MAP3K3: variants seen among roughly 807,000 people sequenced by gnomAD.
The protein encoded by MAP3K3 is MAP/ERK kinase kinase 3.
A neutral mutation model predicts 80.9 loss-of-function variants in MAP3K3; 12 were observed. The ratio of observed to expected loss-of-function variants is 0.15; its 90% CI spans 0.10 to 0.24. The LOEUF (loss-of-function observed/expected upper bound fraction) is 0.24. Ranked by LOEUF, MAP3K3 falls within the 10% of genes least tolerant of loss-of-function variation. The pLI, the probability that MAP3K3 is intolerant of heterozygous loss-of-function variation, is 1.00. For synonymous variants in MAP3K3, 272 were observed against 307.1 expected (o/e 0.89, Z 1.19); for missense variants, 596 against 834.7 (o/e 0.71, Z 3.52).
At chr17:63,658,734 CTT>C (rs55818509) in intron 5 of MAP3K3, among the ~76,000 whole-genome samples, 24 of 138,104 alleles carry the variant, frequency 1.7e-4, no homozygotes, top group Admixed American at 2.9e-4. Context: ...CATTTCTTTT[CTT>C]TTTTTTTTTT....
intron 5 of MAP3K3, among the ~76,000 whole-genome samples, chr17:63,664,179 G>A (rs1450594203): frequency 3.1e-4 from 44 of 142,810 alleles, no homozygotes; most frequent in African/African-American, 7.4e-4. Context: ...CCCGGGAGGC[G>A]GAGCTTGCAG....
At chr17:63,654,029 G>A (rs1178227954) in intron 4 of MAP3K3, among the ~76,000 whole-genome samples, 1 of 152,068 alleles carries the variant, frequency 6.6e-6, no homozygotes, top group Non-Finnish European at 1.5e-5. Flanking sequence ...ATCACACCCA[G>A]CTAATTTTTT....
chr17:63,669,307 A>G (rs975078659), intron 6 of MAP3K3, among the ~76,000 whole-genome samples: 4 of 151,910 alleles, frequency 2.6e-5, no homozygotes, highest in African/African-American at 9.7e-5. Flanking sequence ...CTTCAGGTCC[A>G]GGCTGGCTGA....
At chr17:63,651,888 A>G (rs1328755587) in intron 3 of MAP3K3, among the ~76,000 whole-genome samples, 1 of 152,152 alleles carries the variant, frequency 6.6e-6, no homozygotes, top group East Asian at 1.9e-4. Context: ...CAGTATGGAG[A>G]TTCTTATGGC....
intron 6 of MAP3K3, among the ~76,000 whole-genome samples, chr17:63,672,374 A>G (rs2035129215): frequency 6.6e-6 from 1 of 152,076 alleles, no homozygotes; most frequent in African/African-American, 2.4e-5. Flanking sequence ...AGATGAATAA[A>G]TGGCATCGCC....
At chr17:63,629,293 T>G (rs1052768947) in intron 1 of MAP3K3, among the ~76,000 whole-genome samples, 1 of 152,144 alleles carries the variant, frequency 6.6e-6, no homozygotes, top group Non-Finnish European at 1.5e-5. Flanking sequence ...CAGTTAATTT[T>G]TTTGTATTTT....
rs374633546 is a variant in MAP3K3, at chr17:63,691,137, A to G, written c.1248A>G (p.Leu416=). The G allele has an allele frequency of 1.3e-5, 21 of 1,614,058 alleles. No individual in the cohort carries two copies. In the African/African-American group the frequency reaches 2.8e-4, roughly 22 times the overall value. The change falls in exon 13 of 16, where the codon CTA becomes CTG. Residue 416 remains leucine (L), a synonymous_variant. Transcript: ENST00000361733. This position sits in a 1 kb window ranked among gnomAD's most constrained non-coding sequence, Gnocchi z 4.8. ...CTCTGGAGTGCGAGATCCAGTTGCT[A>G]AAGAACTTGCAGCATGAGCGCATCG... ...VSALECEIQL[L]KNLQHERIVQ...
In MAP3K3 at chr17:63,654,334, G is replaced by A. The variant is rs79108779; in HGVS notation, c.267+1678G>A. Among the ~76,000 whole-genome samples the A allele has an allele frequency of 8.0e-3, 789 of 98,054 alleles. 39 individuals carry two copies. The highest frequency in any genetic ancestry group is 0.032 in the African/African-American group (722 of 22,506). The allele number at this position is 98,054 out of a possible 152,430, so 64.3% of individuals were successfully genotyped here. On this transcript the variant is annotated intron_variant, in intron 4 of 15. Coordinates refer to ENST00000361733, the MANE Select transcript of MAP3K3 (RefSeq NM_002401.5). ...AATCATACAGTACGTGACCTTTTTT[G>A]TCTGGCTTCTTTGACTAAGCGTATG...
intron 2 of MAP3K3, chr17:63,636,779 C>T (rs1598065689): frequency 3.1e-6 from 1 of 323,222 alleles, no homozygotes; most frequent in East Asian, 7.1e-5. Flanking sequence ...GACAAGGAGG[C>T]AGCCCGGCTG....
intron 8 of MAP3K3, 81 bp downstream of exon 8, chr17:63,685,671 G>A: frequency 8.7e-7 from 1 of 1,150,612 alleles, no homozygotes; most frequent in Non-Finnish European, 1.3e-6. Context: ...GTTAGCTCTG[G>A]AGGCCCAGGG....
At chr17:63,626,911 AAGAG>A (rs1208940173) in intron 1 of MAP3K3, among the ~76,000 whole-genome samples, 1 of 152,214 alleles carries the variant, frequency 6.6e-6, no homozygotes, top group African/African-American at 2.4e-5. Flanking sequence ...ATCTATGGAA[AAGAG>A]AGAGAGTGTG....
chr17:63,644,491 C>G (rs1034616148), intron 2 of MAP3K3, among the ~76,000 whole-genome samples: 13 of 152,218 alleles, frequency 8.5e-5, no homozygotes, highest in African/African-American at 3.1e-4. Flanking sequence ...GCTGGGATTA[C>G]AGTTGTGAGC....
At chr17:63,629,775 A>G (rs904184112) in intron 1 of MAP3K3, among the ~76,000 whole-genome samples, 1 of 152,208 alleles carries the variant, frequency 6.6e-6, no homozygotes, top group African/African-American at 2.4e-5. Flanking sequence ...GACAGTGCCA[A>G]ACTTTTCCAC....
In MAP3K3 at chr17:63,643,562, A is replaced by G. The variant is rs190607266; in HGVS notation, c.127-2472A>G. Among the ~76,000 whole-genome samples the G allele has an allele frequency of 2.6e-3, 402 of 152,268 alleles. 3 individuals are homozygous for G. The highest frequency in any genetic ancestry group is 9.0e-3 in the African/African-American group (373 of 41,552). On this transcript the variant is annotated intron_variant, in intron 2 of 15. Coordinates refer to ENST00000361733, the MANE Select transcript of MAP3K3 (RefSeq NM_002401.5). ...GAAACTGTACAAAGGGGAGAAGGAT[A>G]TATCAGAACTCTGCTCTGTATGCTC...
chr17:63,655,533 G>C (rs757230947), intron 4 of MAP3K3, among the ~76,000 whole-genome samples: 1 of 152,072 alleles, frequency 6.6e-6, no homozygotes, highest in African/African-American at 2.4e-5. Context: ...ACTTTGTTGC[G>C]CAGGCCAGAG....
chr17:63,665,487 G>T (rs1598096519), intron 5 of MAP3K3, among the ~76,000 whole-genome samples: 1 of 152,084 alleles, frequency 6.6e-6, no homozygotes, highest in Non-Finnish European at 1.5e-5. Flanking sequence ...TTAATTGAGG[G>T]TTTAGATAGT....
chr17:63,646,110 T>C, intron 3 of MAP3K3, 36 bp downstream of exon 3: 1 of 1,596,062 alleles, frequency 6.3e-7, no homozygotes, highest in Non-Finnish European at 8.6e-7. Flanking sequence ...TGTGTTCATG[T>C]ATGCCAAAGT....
Position 63,688,522 on chromosome 17 carries a change from T to C in MAP3K3, c.711-5T>C, listed in dbSNP as rs746116187. On this transcript the variant is annotated splice_region_variant and splice_polypyrimidine_tract_variant and intron_variant, in intron 8 of 15. Coordinates refer to ENST00000361733, the MANE Select transcript of MAP3K3 (RefSeq NM_002401.5). ...GAGTCTGTTTTTTCTTTTTGTTTTCTCCAGCCCATCCTTCCGGAAATCACG... is the reference window on the plus strand; with the variant it reads ...GAGTCTGTTTTTTCTTTTTGTTTTCCCCAGCCCATCCTTCCGGAAATCACG... 1.9e-6 allele frequency: 3 copies of C among 1,613,874 alleles called. No individual in the cohort carries two copies. Among genetic ancestry groups the C allele is most frequent in the Non-Finnish European group, 1.7e-6 (2 of 1,179,726 alleles).
intron 8 of MAP3K3, among the ~76,000 whole-genome samples, chr17:63,687,386 G>A (rs1388430936): frequency 3.3e-5 from 5 of 151,630 alleles, no homozygotes; most frequent in African/African-American, 1.2e-4. Flanking sequence ...GGTGGCAGGC[G>A]CCGTAATCCC....
Sources: gnomAD v4.1 joint callset for allele counts (sites outside exome capture counted in the v4.1 genomes callset) on GRCh38, gnomAD v4.1.1 for gene constraint, Gnocchi (gnomAD v3.1) non-coding constraint, MANE v1.5 for transcripts, NCBI Gene and HGNC (gene_info 2026-07-23, HGNC 2026-07-21) for gene names.